CNBD1: variants seen among roughly 807,000 people sequenced by gnomAD.
The protein encoded by CNBD1 is cyclic nucleotide binding domain containing 1, also known as cyclic nucleotide-binding domain-containing protein 1.
A neutral mutation model predicts 54.4 loss-of-function variants in CNBD1; 71 were observed. The observed-to-expected ratio is 1.30, with a 90% CI of 1.08 to 1.59. CNBD1 has a LOEUF of 1.59. Ranked by LOEUF, CNBD1 falls within the 40% of genes most tolerant of loss-of-function variation. The probability of loss-of-function intolerance (pLI) is 0.00; values close to 1 mark genes in which losing one functional copy is unlikely to be tolerated. For missense variants in CNBD1, 659 were observed against 518.0 expected (o/e 1.27, Z -2.64); for synonymous variants, 182 against 170.7 (o/e 1.07, Z -0.51).
At chr8:86,928,570 A>C (rs748742459) in intron 3 of CNBD1, among the ~76,000 whole-genome samples, 4 of 152,186 alleles carry the variant, frequency 2.6e-5, no homozygotes, top group Non-Finnish European at 5.9e-5. Flanking sequence ...TAGGACTTTA[A>C]CTACTTCCTG....
At chr8:87,024,989 G>C (rs988517128) in intron 4 of CNBD1, among the ~76,000 whole-genome samples, 5 of 152,174 alleles carry the variant, frequency 3.3e-5, no homozygotes, top group African/African-American at 1.2e-4. Context: ...ACATCTTTCT[G>C]TGTATATTAG....
chr8:87,381,346 A>G (rs756015662), intron 10 of CNBD1, among the ~76,000 whole-genome samples: 3 of 152,046 alleles, frequency 2.0e-5, no homozygotes, highest in Non-Finnish European at 2.9e-5. Flanking sequence ...CCTCATACCT[A>G]TTAGCATTGC....
intron 10 of CNBD1, among the ~76,000 whole-genome samples, chr8:87,368,891 C>T (rs1810699428): frequency 6.6e-6 from 1 of 151,772 alleles, no homozygotes; most frequent in Non-Finnish European, 1.5e-5. Flanking sequence ...AAATGCCAGG[C>T]CCGCTTCCAA....
intron 2 of CNBD1, among the ~76,000 whole-genome samples, chr8:87,413,073 C>T (rs1417405794): frequency 6.6e-6 from 1 of 151,842 alleles, no homozygotes; most frequent in African/African-American, 2.4e-5. Context: ...TTTAGGGGCT[C>T]ACAAGGGGCT....
chr8:87,072,267 G>A (rs1047709988), intron 4 of CNBD1, among the ~76,000 whole-genome samples: 2 of 152,016 alleles, frequency 1.3e-5, no homozygotes, highest in African/African-American at 4.8e-5. Flanking sequence ...CATCCAGCTT[G>A]CCATTATGTG....
chr8:87,387,864 C>T (rs1467909178), intron 2 of CNBD1, among the ~76,000 whole-genome samples: 1 of 152,192 alleles, frequency 6.6e-6, no homozygotes, highest in Non-Finnish European at 1.5e-5. Flanking sequence ...AAGTAAAGCA[C>T]TCCTCAGCAA....
chr8:87,228,523 G>T (rs1210508607), intron 5 of CNBD1, among the ~76,000 whole-genome samples: 2 of 150,016 alleles, frequency 1.3e-5, no homozygotes, highest in Non-Finnish European at 2.9e-5. Flanking sequence ...GTGTGCCCCT[G>T]CTGGGGGGTG....
intron 5 of CNBD1, among the ~76,000 whole-genome samples, chr8:87,210,838 G>C (rs1814081933): frequency 6.6e-6 from 1 of 152,180 alleles, no homozygotes; most frequent in African/African-American, 2.4e-5. Context: ...GGAAATGTGG[G>C]ATTGAAGGTC....
intron 5 of CNBD1, 111 bp downstream of exon 5, chr8:87,206,249 TA>T: frequency 1.2e-6 from 1 of 842,140 alleles, no homozygotes; most frequent in Non-Finnish European, 1.7e-6. Flanking sequence ...GTTGACATGG[TA>T]AAAATGTACT....
intron 2 of CNBD1, among the ~76,000 whole-genome samples, chr8:87,395,207 T>A (rs1006503978): frequency 2.0e-5 from 3 of 151,914 alleles, no homozygotes; most frequent in Admixed American, 1.3e-4. Flanking sequence ...TTGCGTTATG[T>A]ATTTTAAAGT....
intron 8 of CNBD1, among the ~76,000 whole-genome samples, chr8:87,314,717 G>C (rs974909175): frequency 6.6e-6 from 1 of 151,888 alleles, no homozygotes. Flanking sequence ...AGATGAATAT[G>C]TACACATTTA....
intron 4 of CNBD1, among the ~76,000 whole-genome samples, chr8:87,188,689 A>G (rs550722573): frequency 8.6e-5 from 13 of 151,504 alleles, no homozygotes; most frequent in Non-Finnish European, 1.5e-5. Flanking sequence ...TTATGCCACT[A>G]CAAGATCACG....
chr8:87,025,814 T>G (rs906627961), intron 4 of CNBD1, among the ~76,000 whole-genome samples: 5 of 152,054 alleles, frequency 3.3e-5, no homozygotes, highest in Non-Finnish European at 7.4e-5. Context: ...CTTTAAGAAC[T>G]GTAATACTCA....
At chr8:87,229,570 T>C (rs967775430) in intron 5 of CNBD1, among the ~76,000 whole-genome samples, 17 of 152,158 alleles carry the variant, frequency 1.1e-4, no homozygotes, top group Admixed American at 3.9e-4. Flanking sequence ...ATTTTGGGAT[T>C]ATGTCAAATA....
At chr8:87,264,985 GC>G (rs1485153613) in intron 6 of CNBD1, among the ~76,000 whole-genome samples, 1 of 152,074 alleles carries the variant, frequency 6.6e-6, no homozygotes, top group Non-Finnish European at 1.5e-5. Context: ...CTTTTGCTGT[GC>G]AGAAGCTCTT....
intron 10 of CNBD1, among the ~76,000 whole-genome samples, chr8:87,378,177 T>G (rs1179805742): frequency 1.1e-4 from 16 of 141,124 alleles, no homozygotes; most frequent in Middle Eastern, 3.5e-3. Context: ...ATTTGTCAAT[T>G]TTGTCTTTTG....
At chr8:87,230,020 G>A (rs1245510041) in intron 5 of CNBD1, among the ~76,000 whole-genome samples, 2 of 151,954 alleles carry the variant, frequency 1.3e-5, no homozygotes, top group African/African-American at 4.8e-5. Flanking sequence ...CCATGATGCT[G>A]GCATCTGCTT....
chr8:87,328,005 C>T (rs576193718), intron 8 of CNBD1, among the ~76,000 whole-genome samples: 2 of 151,800 alleles, frequency 1.3e-5, no homozygotes, highest in Non-Finnish European at 2.9e-5. Flanking sequence ...TTCTGGGATA[C>T]ATGTGCAGAA....
intron 4 of CNBD1, among the ~76,000 whole-genome samples, chr8:87,023,845 ATTGT>A (rs1809540264): frequency 6.6e-6 from 1 of 152,208 alleles, no homozygotes; most frequent in African/African-American, 2.4e-5. Context: ...ACATGGTTTG[ATTGT>A]TTATTAAAAC....
Sources: allele counts gnomAD v4.1 joint callset (sites outside exome capture counted in the v4.1 genomes callset), GRCh38; gene constraint gnomAD v4.1.1; transcripts MANE v1.5; gene names NCBI Gene and HGNC (gene_info 2026-07-23, HGNC 2026-07-21).